The following PRKAR2B variants were observed in gnomAD, a reference collection of about 807,000 sequenced individuals.
The protein encoded by PRKAR2B is protein kinase cAMP-dependent type II regulatory subunit beta.
PRKAR2B carries 14 observed loss-of-function variants against 49.9 expected under a neutral mutation model. The ratio of observed to expected loss-of-function variants is 0.28; its 90% CI spans 0.19 to 0.44. The LOEUF is 0.44. Ranked by LOEUF, PRKAR2B falls within the 20% of genes least tolerant of loss-of-function variation. The pLI, the probability that PRKAR2B is intolerant of heterozygous loss-of-function variation, is 1.00. For missense variants in PRKAR2B, 393 were observed against 537.9 expected (o/e 0.73, Z 2.67); for synonymous variants, 196 against 197.7 (o/e 0.99, Z 0.07).
intron 6 of PRKAR2B, among the ~76,000 whole-genome samples, chr7:107,150,698 TAAAA>T (rs58258955): frequency 1.4e-4 from 20 of 140,630 alleles, no homozygotes; most frequent in Admixed American, 9.1e-4. Flanking sequence ...ATGCTTTCTT[TAAAA>T]AAAAAAAAAA....
rs35682952 is a variant in PRKAR2B at position 107,126,420 on chromosome 7, C to CAAAAA, written c.397-1773_397-1769dup. ...TGGGCAACAGAGTGAGAATCTGTCTCAAAAAAAAAAAAAAAAAAAAAAAGT... is the reference window on the plus strand; with the variant it reads ...TGGGCAACAGAGTGAGAATCTGTCTCAAAAAAAAAAAAAAAAAAAAAAAAAAAAGT... On this transcript the variant is annotated intron_variant, in intron 3 of 10. Transcript: ENST00000265717. Among the ~76,000 whole-genome samples the CAAAAA allele has an allele frequency of 8.1e-4, 31 of 38,390 alleles. 2 individuals are homozygous for CAAAAA. The highest frequency in any genetic ancestry group is 3.0e-3 in the African/African-American group (29 of 9,544). The allele number at this position is 38,390 out of a possible 152,430, so 25.2% of individuals were successfully genotyped here. A position where few individuals can be genotyped will look rare whatever the true frequency, so the allele number is the denominator to read the frequency against.
intron 2 of PRKAR2B, among the ~76,000 whole-genome samples, chr7:107,088,589 T>C (rs902109581): frequency 1.3e-5 from 2 of 152,156 alleles, no homozygotes; most frequent in Non-Finnish European, 1.5e-5. Flanking sequence ...TACAGTTGGC[T>C]TTTATTTTAT....
At chr7:107,070,910 A>G (rs1156920626) in intron 2 of PRKAR2B, among the ~76,000 whole-genome samples, 1 of 152,216 alleles carries the variant, frequency 6.6e-6, no homozygotes, top group African/African-American at 2.4e-5. Flanking sequence ...CAGTACCCTA[A>G]TGTAGTCAGC....
chr7:107,086,803 G>A lies in PRKAR2B; in HGVS notation c.343+16487G>A, dbSNP rs576057027. Among the ~76,000 whole-genome samples the A allele has an allele frequency of 8.5e-5, 13 of 152,124 alleles. No individual in the cohort carries two copies. In the South Asian group the frequency reaches 1.0e-3, roughly 12 times the overall value. ...TCCATATGATAATTTGGTTTACTTC[G>A]TAAACATAATGATATGGTAAGTTTC... On this transcript the variant is annotated intron_variant, in intron 2 of 10. Transcript: ENST00000265717.
chr7:107,079,590 A>G (rs535946851), intron 2 of PRKAR2B: 2 of 152,228 alleles, frequency 1.3e-5, no homozygotes, highest in African/African-American at 2.4e-5. Flanking sequence ...TTCTGCCTCC[A>G]TGTATGCCTG....
intron 8 of PRKAR2B, among the ~76,000 whole-genome samples, chr7:107,154,566 GT>G (rs1419822155): frequency 1.3e-5 from 2 of 152,130 alleles, no homozygotes; most frequent in African/African-American, 4.8e-5. Context: ...CATATTTGTT[GT>G]CTTTTAAGCA....
chr7:107,074,720 C>T (rs886170836), intron 2 of PRKAR2B, among the ~76,000 whole-genome samples: 30 of 151,990 alleles, frequency 2.0e-4, no homozygotes, highest in Admixed American at 7.2e-4. Context: ...ATCGCTTGAA[C>T]CTGGGAGACG....
At chr7:107,087,130 C>CT (rs1584420459) in intron 2 of PRKAR2B, among the ~76,000 whole-genome samples, 1 of 152,020 alleles carries the variant, frequency 6.6e-6, no homozygotes, top group East Asian at 1.9e-4. Context: ...TCTAAGTCCT[C>CT]TTACTTAAGA....
At chr7:107,098,005 G>A (rs1794879416) in intron 2 of PRKAR2B, among the ~76,000 whole-genome samples, 1 of 152,036 alleles carries the variant, frequency 6.6e-6, no homozygotes, top group Non-Finnish European at 1.5e-5. Context: ...TGCTTTTCTC[G>A]AGGAGTATCT....
intron 2 of PRKAR2B, among the ~76,000 whole-genome samples, chr7:107,113,672 A>G (rs917977300): frequency 6.6e-6 from 1 of 152,066 alleles, no homozygotes; most frequent in Non-Finnish European, 1.5e-5. Flanking sequence ...TTTTTATTAT[A>G]TCTGTTTATC....
chr7:107,089,751 A>G (rs963580933), intron 2 of PRKAR2B, among the ~76,000 whole-genome samples: 2 of 152,354 alleles, frequency 1.3e-5, no homozygotes, highest in African/African-American at 4.8e-5. Context: ...GCTCAGCACA[A>G]TTGGTTGGAA....
At chr7:107,157,449 A>G in intron 10 of PRKAR2B, 125 bp downstream of exon 10, 6 of 1,193,514 alleles carry the variant, frequency 5.0e-6, no homozygotes, top group Non-Finnish European at 6.7e-6. Flanking sequence ...AGGTAACAAG[A>G]TTAGGACTCA....
At chr7:107,132,759 G>A (rs568259354) in intron 4 of PRKAR2B, among the ~76,000 whole-genome samples, 1 of 152,134 alleles carries the variant, frequency 6.6e-6, no homozygotes, top group South Asian at 2.1e-4. Flanking sequence ...AATGATCTTG[G>A]CTTTGTGTCT....
chr7:107,087,078 T>C (rs1794634589), intron 2 of PRKAR2B, among the ~76,000 whole-genome samples: 1 of 152,172 alleles, frequency 6.6e-6, no homozygotes, highest in South Asian at 2.1e-4. Context: ...ATGTGCCTTT[T>C]AAGAATGTAT....
At chr7:107,153,069 C>A in intron 7 of PRKAR2B, 108 bp from the exon 8 acceptor site, 1 of 612,920 alleles carries the variant, frequency 1.6e-6, no homozygotes, top group East Asian at 2.8e-5. Context: ...ACAACCTACA[C>A]ACTGCTCGAT....
chr7:107,144,676 G>C (rs894476889), intron 5 of PRKAR2B, among the ~76,000 whole-genome samples: 2 of 151,620 alleles, frequency 1.3e-5, no homozygotes, highest in African/African-American at 4.8e-5. Context: ...GCCCAGGCTG[G>C]TCTTGAACTC....
chr7:107,097,886 G>A (rs1794877591), intron 2 of PRKAR2B, among the ~76,000 whole-genome samples: 1 of 152,314 alleles, frequency 6.6e-6, no homozygotes, highest in South Asian at 2.1e-4. Flanking sequence ...TCCACTGTTA[G>A]TCTGATGGGC....
At chr7:107,101,766 G>A (rs1794969556) in intron 2 of PRKAR2B, among the ~76,000 whole-genome samples, 1 of 152,110 alleles carries the variant, frequency 6.6e-6, no homozygotes, top group African/African-American at 2.4e-5. Flanking sequence ...TGCAGCCCTA[G>A]GCAGGAATGC....
At chr7:107,106,803 G>A (rs563702992) in intron 2 of PRKAR2B, among the ~76,000 whole-genome samples, 28 of 152,190 alleles carry the variant, frequency 1.8e-4, no homozygotes, top group African/African-American at 6.7e-4. Flanking sequence ...AGGGACCGAG[G>A]GGGCTCCCAG....
Sources: gnomAD v4.1 joint callset for allele counts (sites outside exome capture counted in the v4.1 genomes callset) on GRCh38, gnomAD v4.1.1 for gene constraint, MANE v1.5 for transcripts, NCBI Gene and HGNC (gene_info 2026-07-23, HGNC 2026-07-21) for gene names.